Variants in PBLD observed in about 807,000 individuals in gnomAD.
The protein encoded by PBLD is phenazine biosynthesis like protein domain containing.
Under a neutral mutation model 31.3 loss-of-function variants are expected in PBLD, and 26 were observed. The observed-to-expected ratio is 0.83, with a 90% CI of 0.61 to 1.15. PBLD has a LOEUF of 1.15. Among genes scored for constraint, PBLD ranks in the 50% most tolerant of loss-of-function variants. PBLD has a pLI of 0.00. For missense variants in PBLD, 307 were observed against 351.7 expected (o/e 0.87, Z 1.02); for synonymous variants, 114 against 129.0 (o/e 0.88, Z 0.79).
intron 1 of PBLD, among the ~76,000 whole-genome samples, chr10:68,311,660 G>A (rs1473014630): frequency 6.6e-6 from 1 of 150,800 alleles, no homozygotes; most frequent in Non-Finnish European, 1.5e-5. Context: ...GCTGAGGCAG[G>A]AGGAGCGCTT....
At chr10:68,311,751 C>CA (rs987918906) in intron 1 of PBLD, among the ~76,000 whole-genome samples, 13,719 of 59,036 alleles carry the variant, frequency 0.23, 1,399 homozygotes, top group South Asian at 0.31. Flanking sequence ...GACCCTGCCT[C>CA]AAAAAAAAAA....
intron 1 of PBLD, among the ~76,000 whole-genome samples, chr10:68,319,094 AG>A (rs1200902935): frequency 7.4e-6 from 1 of 134,476 alleles, no homozygotes; most frequent in Non-Finnish European, 1.5e-5. Context: ...AAAGAAAGAA[AG>A]AAAGAAAGAA....
chr10:68,286,234 T>C (rs2044286908), intron 8 of PBLD, among the ~76,000 whole-genome samples: 1 of 152,040 alleles, frequency 6.6e-6, no homozygotes, highest in African/African-American at 2.4e-5. Flanking sequence ...ATTACAGGCA[T>C]GAGCCACCAG....
intron 2 of PBLD, among the ~76,000 whole-genome samples, chr10:68,306,399 C>G (rs2044579681): frequency 6.6e-6 from 1 of 152,182 alleles, no homozygotes; most frequent in Non-Finnish European, 1.5e-5. Context: ...ATCTGTTATG[C>G]TCAATGTGAA....
chr10:68,297,576 G>T (rs1480971938), intron 2 of PBLD, among the ~76,000 whole-genome samples: 1 of 152,102 alleles, frequency 6.6e-6, no homozygotes, highest in Non-Finnish European at 1.5e-5. Flanking sequence ...GTTCTGTTGG[G>T]GTATGGACTG....
intron 1 of PBLD, among the ~76,000 whole-genome samples, chr10:68,319,111 GGAA>G (rs1474117046): frequency 5.6e-4 from 65 of 115,510 alleles, no homozygotes; most frequent in African/African-American, 1.5e-3. Flanking sequence ...AAGAAAGAAA[GGAA>G]AAAGAAAGAA....
At chr10:68,329,015 A>G (rs745372014) in intron 1 of PBLD, among the ~76,000 whole-genome samples, 2 of 152,156 alleles carry the variant, frequency 1.3e-5, no homozygotes, top group Admixed American at 1.3e-4. Context: ...AGTGACTGAG[A>G]TTACAGGCAT....
At chr10:68,311,861 G>A (rs1227764930) in intron 1 of PBLD, among the ~76,000 whole-genome samples, 1 of 152,126 alleles carries the variant, frequency 6.6e-6, no homozygotes, top group African/African-American at 2.4e-5. Flanking sequence ...AATACTGGCT[G>A]TTTACCCCCA....
At chr10:68,327,394 G>A (rs930196046) in intron 1 of PBLD, among the ~76,000 whole-genome samples, 1 of 151,632 alleles carries the variant, frequency 6.6e-6, no homozygotes, top group South Asian at 2.1e-4. Flanking sequence ...TAAAATCTGG[G>A]TGGGGCTGGG....
intron 1 of PBLD, among the ~76,000 whole-genome samples, chr10:68,330,709 C>CGTGTGTGTGTGTGTGTGTGTGTGTGT (rs56166847): frequency 2.1e-5 from 3 of 142,822 alleles, no homozygotes; most frequent in Admixed American, 6.9e-5. Context: ...CCACGCCCGG[C>CGTGTGTGTGTGTGTGTGTGTGTGTGT]GTGTGTGTGT....
intron 4 of PBLD, chr10:68,296,035 A>G (rs1431086774): frequency 2.2e-5 from 8 of 364,058 alleles, no homozygotes; most frequent in African/African-American, 1.5e-4. Flanking sequence ...TAAAAATAAA[A>G]TAAAATAGCA....
At chr10:68,285,082 A>C in intron 9 of PBLD, 1 of 1,297,548 alleles carries the variant, frequency 7.7e-7, no homozygotes. Flanking sequence ...TCTCTGGGCC[A>C]AAGTTATACA....
At chr10:68,309,339 G>A (rs1339670765) in intron 1 of PBLD, among the ~76,000 whole-genome samples, 3 of 143,810 alleles carry the variant, frequency 2.1e-5, no homozygotes, top group Non-Finnish European at 4.5e-5. Context: ...CCTGTGAGGC[G>A]GAAGTTGCAG....
intron 6 of PBLD, 66 bp from the exon 7 acceptor site, chr10:68,289,085 G>GAGAGGTCATTTCCCATTTCA: frequency 1.6e-6 from 2 of 1,247,228 alleles, no homozygotes; most frequent in Non-Finnish European, 2.3e-6. Flanking sequence ...CCCCTGAAAT[G>GAGAGGTCATTTCCCATTTCA]GGAAATGACC....
chr10:68,288,874 G>C (rs1367059346), intron 7 of PBLD, 57 bp downstream of exon 7: 11 of 1,483,418 alleles, frequency 7.4e-6, no homozygotes, highest in South Asian at 4.6e-5. Flanking sequence ...CTAAGGAAGA[G>C]CTATAAATCT....
In PBLD at chr10:68,302,006, A is replaced by T. The variant is rs74510262; in HGVS notation, c.84+4755T>A. 5.5e-3 allele frequency among the ~76,000 whole-genome samples: 831 copies of T among 152,338 alleles called. 11 individuals carry two copies. Among genetic ancestry groups the T allele is most frequent in the African/African-American group, 0.019 (793 of 41,560 alleles). ...CCACTGGCAGCTGGACTTTCACTGA[A>T]TTTCTACACTGCAACCAAAGGTCAA... On this transcript the variant is annotated intron_variant, in intron 2 of 9. Coordinates refer to ENST00000358769, the MANE Select transcript of PBLD (RefSeq NM_022129.4).
At position 68,296,980 on chromosome 10, in the gene PBLD, C is replaced by T. The variant is rs2044438617; in HGVS notation, c.90G>A (p.Leu30=). The part of the protein sequence containing the change: ...PAAVCLLENE[L]DEDMHQKIAR... Reference sequence around the variant, plus strand: ...CAATTTTCTGATGCATGTCTTCATCCAATTCCTTAATTAGAAACAGACGAT... The same window carrying T: ...CAATTTTCTGATGCATGTCTTCATCTAATTCCTTAATTAGAAACAGACGAT... The change falls in exon 3 of 10, where the codon TTG becomes TTA. Residue 30 remains leucine, a synonymous_variant. Coordinates refer to ENST00000358769, the MANE Select transcript of PBLD (RefSeq NM_022129.4). 3 of 1,610,154 alleles carry T rather than the reference C, an allele frequency of 1.9e-6. No homozygotes were observed. Among genetic ancestry groups the T allele is most frequent in the Non-Finnish European group, 2.5e-6 (3 of 1,176,578 alleles).
intron 1 of PBLD, among the ~76,000 whole-genome samples, chr10:68,329,213 T>C (rs959091038): frequency 7.9e-5 from 12 of 152,294 alleles, no homozygotes; most frequent in African/African-American, 2.4e-4. Context: ...AACTTCCTAC[T>C]GTAATAATAA....
chr10:68,331,576 C>G (rs2045093386), intron 1 of PBLD: 1 of 152,282 alleles, frequency 6.6e-6, no homozygotes, highest in African/African-American at 2.4e-5. Context: ...CAGAAACACT[C>G]CTATTTTTCA....
Sources: allele counts gnomAD v4.1 joint callset (sites outside exome capture counted in the v4.1 genomes callset), GRCh38; gene constraint gnomAD v4.1.1; transcripts MANE v1.5; gene names NCBI Gene and HGNC (gene_info 2026-07-23, HGNC 2026-07-21).